BRD9: variants seen among roughly 807,000 people sequenced by gnomAD.
The protein encoded by BRD9 is bromodomain-containing protein 9.
BRD9 carries 47 observed loss-of-function variants against 68.7 expected under a neutral mutation model. The observed-to-expected ratio is 0.68, with a 90% CI of 0.54 to 0.87. BRD9 has a LOEUF of 0.87. BRD9 is among the 40% of genes least tolerant of loss of function. BRD9 has a pLI of 0.00. For missense variants in BRD9, 670 were observed against 748.4 expected, an observed-to-expected ratio of 0.90 and a Z score of 1.22; for synonymous variants, 313 against 293.9, an observed-to-expected ratio of 1.06 and a Z score of -0.67.
chr5:889,444 C>T (rs1043003003), intron 4 of BRD9, 143 bp downstream of exon 4: 2 of 924,988 alleles, frequency 2.2e-6, no homozygotes, highest in South Asian at 1.7e-5. Flanking sequence ...TCTTCCTACG[C>T]ACCCCGAAGT....
chr5:877,373 C>T (rs1243391866), intron 11 of BRD9, among the ~76,000 whole-genome samples: 1 of 152,200 alleles, frequency 6.6e-6, no homozygotes, highest in African/African-American at 2.4e-5. Context: ...TCTTCATTTT[C>T]CACGTTTACT....
chr5:887,497 T>C (rs529227290), intron 5 of BRD9, 26 bp from the exon 6 acceptor site: 14 of 1,577,794 alleles, frequency 8.9e-6, no homozygotes, highest in South Asian at 5.5e-5. Flanking sequence ...GAAAGACTTA[T>C]CAGGTTTGAA....
intron 14 of BRD9, 30 bp downstream of exon 14, chr5:870,443 T>C (rs1749972110): frequency 6.5e-7 from 1 of 1,530,052 alleles, no homozygotes; most frequent in African/African-American, 1.4e-5. Context: ...CTTCACCAGG[T>C]GCTGTGGGAA....
At chr5:892,475 CG>C in intron 1 of BRD9, 130 bp downstream of exon 1, 1 of 1,440,644 alleles carries the variant, frequency 6.9e-7, no homozygotes, top group Admixed American at 2.6e-5. Flanking sequence ...GACCCCCTCC[CG>C]CGTGCCCAGA....
At chr5:878,136 G>A (rs769998973) in intron 11 of BRD9, among the ~76,000 whole-genome samples, 8 of 152,234 alleles carry the variant, frequency 5.3e-5, no homozygotes, top group Middle Eastern at 3.4e-3. Flanking sequence ...CACAAGCTAC[G>A]CCCTGATCAC....
intron 12 of BRD9, among the ~76,000 whole-genome samples, chr5:873,190 G>A (rs976829894): frequency 1.3e-5 from 2 of 152,062 alleles, no homozygotes; most frequent in African/African-American, 2.4e-5. Flanking sequence ...AAGAAAGAAA[G>A]TAAAGATAAC....
Position 891,679 on chromosome 5 carries a change from C to T in BRD9, c.228G>A (p.Lys76=). The part of the protein sequence containing the change: ...KKKKKKKKSE[K]EKHLDDEERR... ...TTTCCTCATCGTCCAGATGCTTCTC[C>T]TTCTCGGACTTCTTCTTCTTCTTCT... Residue 76 remains lysine, a synonymous_variant, in exon 2 of 16, where the codon AAG becomes AAA. Transcript: ENST00000467963. 1 of 1,551,654 alleles carries T rather than the reference C, an allele frequency of 6.4e-7. No homozygotes were observed.
Position 891,240 on chromosome 5 carries a change from T to C in BRD9, c.315A>G (p.Gly105=). Reference sequence around the variant, plus strand: ...TCCCAGGATCAAAGTCGTCAGCCTCTCCCTCCGTGTCACAGTGCTCCCTCT... The same window carrying C: ...TCCCAGGATCAAAGTCGTCAGCCTCCCCCTCCGTGTCACAGTGCTCCCTCT... ...KREREHCDTE[G]EADDFDPGKK... The change falls in exon 3 of 16, where the codon GGA becomes GGG. Residue 105 remains glycine (G), a synonymous_variant. Coordinates refer to ENST00000467963, the MANE Select transcript of BRD9 (RefSeq NM_023924.5). The C allele has an allele frequency of 6.4e-7, 1 of 1,551,850 alleles. No individual in the cohort carries two copies. The highest frequency in any genetic ancestry group is 8.7e-7 in the Non-Finnish European group (1 of 1,147,034).
chr5:865,124 A>T (rs988169606), intron 15 of BRD9, among the ~76,000 whole-genome samples: 2 of 152,194 alleles, frequency 1.3e-5, no homozygotes, highest in African/African-American at 4.8e-5. Flanking sequence ...CCCAGCAGAA[A>T]CACTGGAACC....
At chr5:891,494 G>A in intron 2 of BRD9, 146 bp downstream of exon 2, 2 of 1,343,592 alleles carry the variant, frequency 1.5e-6, no homozygotes, top group Non-Finnish European at 2.0e-6. Context: ...CTGAGTCTGC[G>A]GGCCTCAGCG....
At position 891,670 on chromosome 5, in the gene BRD9, A is replaced by C. The variant is rs1195604281; in HGVS notation, c.237T>G (p.His79Gln). 6 of 1,551,262 alleles carry C rather than the reference A, an allele frequency of 3.9e-6. No individual in the cohort carries two copies. The highest frequency in any genetic ancestry group is 1.4e-5 in the African/African-American group (1 of 72,984). ...GCTTCCTTCTTTCCTCATCGTCCAG[A>C]TGCTTCTCCTTCTCGGACTTCTTCT... is the stretch of plus-strand genomic sequence containing the variant. Reference protein sequence around the residue: ...KKKKKSEKEKHLDDEERRKRK... With the variant: ...KKKKKSEKEKQLDDEERRKRK... Residue 79 changes from histidine to glutamine, a missense_variant, in exon 2 of 16, where the codon CAT (histidine) becomes CAG (glutamine). By Grantham distance (24) the His-to-Gln change is conservative. Transcript: ENST00000467963.
intron 5 of BRD9, among the ~76,000 whole-genome samples, chr5:888,717 C>T (rs1311601740): frequency 1.3e-5 from 2 of 152,186 alleles, no homozygotes; most frequent in Admixed American, 6.5e-5. Context: ...AGTCTCAAGC[C>T]GTGCCACACC....
chr5:892,332 G>A (rs1753567288), intron 1 of BRD9: 3 of 691,626 alleles, frequency 4.3e-6, no homozygotes, highest in East Asian at 6.8e-5. Flanking sequence ...ACAAAAGCCA[G>A]CACAGATGCT....
At chr5:877,153 T>G (rs943957494) in intron 11 of BRD9, among the ~76,000 whole-genome samples, 1 of 152,182 alleles carries the variant, frequency 6.6e-6, no homozygotes, top group South Asian at 2.1e-4. Flanking sequence ...ATGTGCCACA[T>G]GGACAACAGG....
intron 2 of BRD9, 137 bp downstream of exon 2, chr5:891,503 C>A: frequency 2.9e-6 from 4 of 1,380,238 alleles, no homozygotes; most frequent in Admixed American, 2.7e-5. Context: ...CGGGCCTCAG[C>A]GGTTCGCGTT....
rs768525705 is a variant in BRD9, at chr5:889,150, T to C, written c.477A>G (p.Gly159=). The C allele has an allele frequency of 9.9e-6, 16 of 1,608,738 alleles. No individual in the cohort carries two copies. Among genetic ancestry groups the C allele is most frequent in the Non-Finnish European group, 1.4e-5 (16 of 1,178,978 alleles). The change falls in exon 5 of 16, where the codon GGA becomes GGG. Residue 159 remains glycine, a synonymous_variant. Transcript: ENST00000467963. Reference sequence around the variant, plus strand: ...CATCCGTGACAGGAAAAGCAAAAAATCCATGGGGATCTTTTCTGAAAGCAA... The same window carrying C: ...CATCCGTGACAGGAAAAGCAAAAAACCCATGGGGATCTTTTCTGAAAGCAA... The part of the protein sequence containing the change: ...LRQLQRKDPH[G]FFAFPVTDAI...
intron 8 of BRD9, chr5:883,606 C>T (rs1436305403): frequency 3.3e-5 from 14 of 420,098 alleles, no homozygotes; most frequent in Non-Finnish European, 5.4e-5. Context: ...CGGTGCCTCA[C>T]GTCAACACCC....
At chr5:885,581 G>A (rs1292624735) in intron 7 of BRD9, among the ~76,000 whole-genome samples, 1 of 152,254 alleles carries the variant, frequency 6.6e-6, no homozygotes, top group Non-Finnish European at 1.5e-5. Flanking sequence ...ATACACTTCA[G>A]CAGAAACCAT....
At chr5:890,146 T>A (rs914686385) in intron 3 of BRD9, 9 of 251,500 alleles carry the variant, frequency 3.6e-5, no homozygotes, top group Non-Finnish European at 7.2e-5. Context: ...CAGGAGTGAA[T>A]CACGACACTG....
Sources: allele counts gnomAD v4.1 joint callset (sites outside exome capture counted in the v4.1 genomes callset), GRCh38; gene constraint gnomAD v4.1.1; transcripts MANE v1.5; gene names NCBI Gene and HGNC (gene_info 2026-07-23, HGNC 2026-07-21).